Variants in SGSM2 observed in about 807,000 individuals in gnomAD.
The protein encoded by SGSM2 is small G protein signaling modulator 2.
SGSM2 carries 89 observed loss-of-function variants against 126.6 expected under a neutral mutation model. That is an observed-to-expected ratio of 0.70 (90% CI 0.59 to 0.84). The LOEUF is 0.84. Ranked by LOEUF, SGSM2 falls within the 40% of genes least tolerant of loss-of-function variation. The probability of loss-of-function intolerance (pLI) is 0.00; values close to 1 mark genes in which losing one functional copy is unlikely to be tolerated. For missense variants in SGSM2, 1,404 were observed against 1,416.6 expected, an observed-to-expected ratio of 0.99 and a Z score of 0.14; for synonymous variants, 614 against 574.3, an observed-to-expected ratio of 1.07 and a Z score of -0.99.
rs549212431 is a variant in SGSM2, at chr17:2,373,620, C to T, written c.2100+107C>T. 2.2e-4 allele frequency: 218 copies of T among 1,002,280 alleles called. No individual in the cohort carries two copies. Among genetic ancestry groups the T allele is most frequent in the Non-Finnish European group, 2.9e-4 (201 of 688,778 alleles). 62.1% of individuals were successfully genotyped at this position (1,002,280 alleles called of 1,614,324 possible). On this transcript the variant is annotated intron_variant, in intron 17 of 23. Transcript: ENST00000268989. The stretch of plus-strand genomic sequence containing the variant: ...ACCTCTGGGAACTGGTGGGGCCCTG[C>T]GAGAAAGGCCTAAGGTGCCTGTGTC...
chr17:2,362,946 G>A lies in SGSM2; in HGVS notation c.526+41G>A. The A allele has an allele frequency of 6.2e-7, 1 of 1,614,106 alleles. No homozygotes were observed. ...CAGGCACAGTGGGTACGGGGCAGGT[G>A]CTGAGGGAGCATCGTCTGGGCTGGC... On this transcript the variant is annotated intron_variant, in intron 5 of 23. Coordinates refer to ENST00000268989, the MANE Select transcript of SGSM2 (RefSeq NM_014853.3). This position sits in a 1 kb window ranked among gnomAD's most constrained non-coding sequence, Gnocchi z 4.9.
Position 2,363,646 on chromosome 17 carries a change from A to G in SGSM2, c.807+47A>G. The G allele has an allele frequency of 6.2e-7, 1 of 1,601,650 alleles. No individual in the cohort carries two copies. Among genetic ancestry groups the G allele is most frequent in the Non-Finnish European group, 8.5e-7 (1 of 1,171,946 alleles). ...ATCCCTCCCCGAAGGTCCCCGAACG[A>G]GACGACTGGAAGCCTCTAGCCATGG... On this transcript the variant is annotated intron_variant, in intron 7 of 23. Transcript: ENST00000268989. This position sits in a 1 kb window ranked among gnomAD's most constrained non-coding sequence, Gnocchi z 4.2.
At position 2,367,534 on chromosome 17, in the gene SGSM2, C is replaced by T; in HGVS notation, c.1423+129C>T. 1.9e-6 allele frequency: 2 copies of T among 1,041,622 alleles called. No individual in the cohort carries two copies. The highest frequency in any genetic ancestry group is 2.8e-6 in the Non-Finnish European group (2 of 723,278). 64.5% of individuals were successfully genotyped at this position (1,041,622 alleles called of 1,614,324 possible). A position where few individuals can be genotyped will look rare whatever the true frequency, so the allele number is the denominator to read the frequency against. ...GACTTGCACCCAGGGCAGTTCCCTTCCATCGGGGGCAGATCAGGGAGGGCA... is the reference window on the plus strand; with the variant it reads ...GACTTGCACCCAGGGCAGTTCCCTTTCATCGGGGGCAGATCAGGGAGGGCA... On this transcript the variant is annotated intron_variant, in intron 12 of 23. Transcript: ENST00000268989. The surrounding 1 kb of genome is among the most constrained non-coding windows in gnomAD (Gnocchi z 4.0).
In SGSM2 at chr17:2,380,606, A is replaced by T. The variant is rs944305486; in HGVS notation, c.*1086A>T. 7 of 460,920 alleles carry T rather than the reference A, an allele frequency of 1.5e-5. No individual in the cohort carries two copies. Among genetic ancestry groups the T allele is most frequent in the East Asian group, 4.2e-5 (1 of 23,864 alleles). 28.6% of individuals were successfully genotyped at this position (460,920 alleles called of 1,614,324 possible). On this transcript the variant is annotated 3_prime_UTR_variant, in exon 24 of 24. Transcript: ENST00000268989. The stretch of plus-strand genomic sequence containing the variant: ...GAGGAGCTGTGTATGCGGGGGTGCC[A>T]GGAAGGGCATAGCTCCTGCCCCCAG...
At chr17:2,358,702 AC>A (rs370968310) in intron 2 of SGSM2, among the ~76,000 whole-genome samples, 341 of 136,252 alleles carry the variant, frequency 2.5e-3, no homozygotes, top group African/African-American at 8.2e-3. Context: ...ATAGAGTGAG[AC>A]CCGGTCTCAA....
At chr17:2,361,197 G>C (rs963934876) in intron 2 of SGSM2, among the ~76,000 whole-genome samples, 5 of 152,200 alleles carry the variant, frequency 3.3e-5, no homozygotes, top group African/African-American at 1.2e-4. Flanking sequence ...GCTCTGCAGT[G>C]ACTTCATCAA....
intron 2 of SGSM2, among the ~76,000 whole-genome samples, chr17:2,360,388 T>C (rs1216287938): frequency 6.6e-6 from 1 of 152,184 alleles, no homozygotes. Flanking sequence ...TCAATTTCCC[T>C]GTCTCCACCC....
chr17:2,378,714 T>G (rs1004718219), intron 22 of SGSM2, among the ~76,000 whole-genome samples: 1 of 152,086 alleles, frequency 6.6e-6, no homozygotes, highest in African/African-American at 2.4e-5. Context: ...CCGGCTGAAG[T>G]GCAGGCAGAG....
At chr17:2,347,191 C>T (rs574951578) in intron 2 of SGSM2, among the ~76,000 whole-genome samples, 3 of 152,224 alleles carry the variant, frequency 2.0e-5, no homozygotes, top group African/African-American at 7.2e-5. Flanking sequence ...CTGCAACCTC[C>T]GCCTCTCAGG....
chr17:2,377,754 T>A (rs111519049), intron 21 of SGSM2, 103 bp from the exon 22 acceptor site: 7 of 734,856 alleles, frequency 9.5e-6, no homozygotes, highest in Admixed American at 1.9e-5. Flanking sequence ...CACTGCCAGG[T>A]TGGGGATCGC....
chr17:2,370,809 A>G (rs1395845128), intron 12 of SGSM2, among the ~76,000 whole-genome samples: 1 of 152,212 alleles, frequency 6.6e-6, no homozygotes, highest in Non-Finnish European at 1.5e-5. Context: ...GGGAGCGTTC[A>G]GAGTTGGAAG....
chr17:2,354,464 A>G (rs2065007685), intron 2 of SGSM2, among the ~76,000 whole-genome samples: 1 of 152,236 alleles, frequency 6.6e-6, no homozygotes, highest in Non-Finnish European at 1.5e-5. Flanking sequence ...GCTTTCCATT[A>G]TTCATTCCTA....
intron 2 of SGSM2, among the ~76,000 whole-genome samples, chr17:2,345,330 C>T (rs1336749266): frequency 6.6e-6 from 1 of 151,886 alleles, no homozygotes; most frequent in African/African-American, 2.4e-5. Context: ...GGCGTGGTGG[C>T]GGGCGCCTGT....
rs1356405697 is a variant in SGSM2 at position 2,337,589 on chromosome 17, G to T, written c.-100G>T. 4 of 773,872 alleles carry T rather than the reference G, an allele frequency of 5.2e-6. No individual in the cohort carries two copies. Among genetic ancestry groups the T allele is most frequent in the South Asian group, 5.9e-5 (1 of 17,050 alleles). The allele number at this position is 773,872 out of a possible 1,614,324, so 47.9% of individuals were successfully genotyped here. A position where few individuals can be genotyped will look rare whatever the true frequency, so the allele number is the denominator to read the frequency against. On this transcript the variant is annotated 5_prime_UTR_variant, in exon 1 of 24. Coordinates refer to ENST00000268989, the MANE Select transcript of SGSM2 (RefSeq NM_014853.3). The surrounding 1 kb of genome is among the most constrained non-coding windows in gnomAD (Gnocchi z 5.1). ...GCGGCGGGCCGGGAGCGCGGCGGGC[G>T]GGGGCTCCGCCTTGCGCGTGGGGCG...
chr17:2,380,863 C>G lies in SGSM2; in HGVS notation c.*1343C>G, dbSNP rs2066379409. On this transcript the variant is annotated 3_prime_UTR_variant, in exon 24 of 24. Coordinates refer to ENST00000268989, the MANE Select transcript of SGSM2 (RefSeq NM_014853.3). ...GCCCTGCCCCCGGGCACTGCACAGC[C>G]TGTCTGGGGGCCAGACCACCCCATT... is the stretch of plus-strand genomic sequence containing the variant. 6.2e-6 allele frequency: 1 copy of G among 161,348 alleles called. No homozygotes were observed. The highest frequency in any genetic ancestry group is 1.7e-4 in the South Asian group (1 of 5,878). 10.0% of individuals were successfully genotyped at this position (161,348 alleles called of 1,614,324 possible).
In SGSM2 at chr17:2,363,491, C is replaced by T. The variant is rs557431382; in HGVS notation, c.699C>T (p.Ser233=). The T allele has an allele frequency of 8.7e-5, 140 of 1,613,414 alleles. 2 individuals carry two copies. In the South Asian group the frequency reaches 9.3e-4, roughly 11 times the overall value. Residue 233 remains serine, a synonymous_variant, in exon 7 of 24, where the codon AGC becomes AGT. Transcript: ENST00000268989. This position sits in a 1 kb window ranked among gnomAD's most constrained non-coding sequence, Gnocchi z 4.2. ...TCCGGAAACGGCACTCAAGCGGCAG[C>T]GCGTCGGAGGACAGGCTGGCTGCCT... is the stretch of plus-strand genomic sequence containing the variant. The part of the protein sequence containing the change: ...LGIRKRHSSG[S]ASEDRLAACA...
At position 2,363,104 on chromosome 17, in the gene SGSM2, G is replaced by C; in HGVS notation, c.642G>C (p.Gln214His). The change falls in exon 6 of 24, where the codon CAG becomes CAC. Residue 214 changes from glutamine (Q) to histidine (H), a missense_variant. Coordinates refer to ENST00000268989, the MANE Select transcript of SGSM2 (RefSeq NM_014853.3). The surrounding 1 kb of genome is among the most constrained non-coding windows in gnomAD (Gnocchi z 4.2). ...RHRIRGPPTR[Q>H]DSPAKRPALG... is the part of the protein sequence containing the mutation. ...GCATCCGGGGTCCACCTACTCGCCA[G>C]GACTCCCCTGCAAAGCGCCCAGCCC... 6.2e-7 allele frequency: 1 copy of C among 1,611,036 alleles called. No homozygotes were observed. Among genetic ancestry groups the C allele is most frequent in the Non-Finnish European group, 8.5e-7 (1 of 1,179,130 alleles).
chr17:2,379,159 G>T lies in SGSM2; in HGVS notation c.3023G>T (p.Arg1008Leu), dbSNP rs767384666. The change falls in exon 23 of 24, where the codon CGT becomes CTT. Residue 1008 changes from arginine to leucine, a missense_variant. Coordinates refer to ENST00000268989, the MANE Select transcript of SGSM2 (RefSeq NM_014853.3). ...GTGGAGGCCTACCGAGAGATCATCC[G>T]TGACAACAACATGGACTTCACTGAC... ...ALVEAYREIIRDNNMDFTDII... is the reference protein window; with the variant it reads ...ALVEAYREIILDNNMDFTDII... 1 of 1,613,970 alleles carries T rather than the reference G, an allele frequency of 6.2e-7. No homozygotes were observed. Among genetic ancestry groups the T allele is most frequent in the Non-Finnish European group, 8.5e-7 (1 of 1,180,004 alleles).
In SGSM2 at chr17:2,337,843, G is replaced by T; in HGVS notation, c.57+98G>T. 2 of 841,338 alleles carry T rather than the reference G, an allele frequency of 2.4e-6. No individual in the cohort carries two copies. Among genetic ancestry groups the T allele is most frequent in the Non-Finnish European group, 3.3e-6 (2 of 609,758 alleles). The allele number at this position is 841,338 out of a possible 1,614,324, so 52.1% of individuals were successfully genotyped here. On this transcript the variant is annotated intron_variant, in intron 1 of 23. Transcript: ENST00000268989. This position sits in a 1 kb window ranked among gnomAD's most constrained non-coding sequence, Gnocchi z 5.1. Reference sequence around the variant, plus strand: ...CCCACCCCCCGGCGCGGGCACCCGGGCCGAACCTGGGCCGGGCGGGGCGGG... The same window carrying T: ...CCCACCCCCCGGCGCGGGCACCCGGTCCGAACCTGGGCCGGGCGGGGCGGG...
Sources: allele counts gnomAD v4.1 joint callset (sites outside exome capture counted in the v4.1 genomes callset), GRCh38; gene constraint gnomAD v4.1.1; non-coding constraint Gnocchi (gnomAD v3.1); transcripts MANE v1.5; gene names NCBI Gene and HGNC (gene_info 2026-07-23, HGNC 2026-07-21).